Variants in PPP3CC observed in about 807,000 individuals in gnomAD.
PPP3CC encodes the protein protein phosphatase 3 catalytic subunit gamma.
A neutral mutation model predicts 60.3 loss-of-function variants in PPP3CC; 35 were observed. The observed-to-expected ratio is 0.58, with a 90% confidence interval of 0.44 to 0.77. The LOEUF (loss-of-function observed/expected upper bound fraction) is 0.77. PPP3CC is among the 30% of genes least tolerant of loss of function. The probability of loss-of-function intolerance (pLI) is 0.00; values close to 1 mark genes in which losing one functional copy is unlikely to be tolerated. For synonymous variants in PPP3CC, 206 were observed against 224.3 expected, an observed-to-expected ratio of 0.92 and a Z score of 0.73; for missense variants, 570 against 628.9, an observed-to-expected ratio of 0.91 and a Z score of 1.00.
At chr8:22,476,435 T>G (rs1022815646) in intron 3 of PPP3CC, among the ~76,000 whole-genome samples, 6 of 152,194 alleles carry the variant, frequency 3.9e-5, no homozygotes, top group Admixed American at 2.6e-4. Context: ...CTGCCCTCAT[T>G]GTGTGAGAAT....
chr8:22,539,124 C>G (rs1839905640), intron 12 of PPP3CC, among the ~76,000 whole-genome samples: 1 of 152,110 alleles, frequency 6.6e-6, no homozygotes, highest in Admixed American at 6.5e-5. Context: ...ATTTTACAAA[C>G]TAAGGATTGT....
At chr8:22,464,750 A>G (rs1837468663) in intron 1 of PPP3CC, among the ~76,000 whole-genome samples, 1 of 152,120 alleles carries the variant, frequency 6.6e-6, no homozygotes, top group Non-Finnish European at 1.5e-5. Flanking sequence ...ATAGACGTAG[A>G]TAGTTGTAGT....
chr8:22,477,620 G>T (rs950105553), intron 3 of PPP3CC, among the ~76,000 whole-genome samples: 1 of 152,026 alleles, frequency 6.6e-6, no homozygotes, highest in African/African-American at 2.4e-5. Flanking sequence ...TTCTAATTAG[G>T]CATTTTATTT....
At chr8:22,497,138 T>A (rs1233554521) in intron 3 of PPP3CC, among the ~76,000 whole-genome samples, 1 of 152,220 alleles carries the variant, frequency 6.6e-6, no homozygotes, top group African/African-American at 2.4e-5. Context: ...CAAGCGATTC[T>A]CATGCCTCAG....
chr8:22,532,970 A>T lies in PPP3CC; in HGVS notation c.1273A>T (p.Thr425Ser). The T allele has an allele frequency of 6.2e-7, 1 of 1,606,980 alleles. No homozygotes were observed. The highest frequency in any genetic ancestry group is 8.5e-7 in the Non-Finnish European group (1 of 1,176,348). The stretch of plus-strand genomic sequence containing the variant: ...TCTCAAGGGCCTGACTCCCACAGGC[A>T]CACTCCCTCTGGGCGTCCTCTCAGG... ...LTLKGLTPTG[T>S]LPLGVLSGGK... The change falls in exon 12 of 14, where the codon ACA becomes TCA. Residue 425 changes from threonine (T) to serine (S), a missense_variant. Thr to Ser is a moderately conservative substitution (Grantham distance 58). Transcript: ENST00000240139.
At chr8:22,488,055 AC>A (rs1416370339) in intron 3 of PPP3CC, among the ~76,000 whole-genome samples, 3 of 152,234 alleles carry the variant, frequency 2.0e-5, no homozygotes, top group Non-Finnish European at 2.9e-5. Flanking sequence ...ATGACATTAT[AC>A]TATGGGTGGA....
chr8:22,458,090 G>A (rs1434802729), intron 1 of PPP3CC, among the ~76,000 whole-genome samples: 5 of 151,264 alleles, frequency 3.3e-5, no homozygotes, highest in African/African-American at 4.9e-5. Flanking sequence ...AATCTCCGTC[G>A]CACCAAAAAA....
At chr8:22,498,246 G>A (rs1264526982) in intron 4 of PPP3CC, 134 bp downstream of exon 4, 1 of 511,356 alleles carries the variant, frequency 2.0e-6, no homozygotes, top group African/African-American at 1.9e-5. Context: ...CACCTGCAAA[G>A]AACTAAGATT....
At chr8:22,460,613 A>G (rs1162321976) in intron 1 of PPP3CC, among the ~76,000 whole-genome samples, 4 of 150,994 alleles carry the variant, frequency 2.6e-5, no homozygotes, top group Non-Finnish European at 5.9e-5. Flanking sequence ...TGAAGCCAGG[A>G]GTTTGAGACC....
chr8:22,443,361 A>C (rs1836731957), intron 1 of PPP3CC, among the ~76,000 whole-genome samples: 1 of 152,030 alleles, frequency 6.6e-6, no homozygotes, highest in South Asian at 2.1e-4. Context: ...ATCTCTACTA[A>C]ACATACAAAA....
intron 3 of PPP3CC, among the ~76,000 whole-genome samples, chr8:22,488,374 A>G (rs139772380): frequency 1.3e-5 from 2 of 152,352 alleles, no homozygotes; most frequent in African/African-American, 4.8e-5. Context: ...TATATGCTTT[A>G]ATGCAACAAT....
chr8:22,456,517 G>C (rs1009748474), intron 1 of PPP3CC, among the ~76,000 whole-genome samples: 5 of 152,038 alleles, frequency 3.3e-5, no homozygotes, highest in African/African-American at 1.2e-4. Context: ...CTCTTTGCCC[G>C]TGTCAGTATC....
intron 1 of PPP3CC, among the ~76,000 whole-genome samples, chr8:22,464,976 CTTT>C (rs59235298): frequency 4.4e-5 from 6 of 135,226 alleles, no homozygotes; most frequent in Admixed American, 1.5e-4. Context: ...TAGACTCTCC[CTTT>C]TTTTTTTTTT....
chr8:22,464,976 CT>C (rs59235298), intron 1 of PPP3CC, among the ~76,000 whole-genome samples: 1,943 of 135,176 alleles, frequency 0.014, 18 homozygotes, highest in African/African-American at 0.038. Context: ...TAGACTCTCC[CT>C]TTTTTTTTTT....
At chr8:22,446,598 T>G (rs1836828935) in intron 1 of PPP3CC, among the ~76,000 whole-genome samples, 1 of 151,930 alleles carries the variant, frequency 6.6e-6, no homozygotes, top group African/African-American at 2.4e-5. Context: ...CCGAGGTGGG[T>G]GGATCACCTG....
intron 1 of PPP3CC, among the ~76,000 whole-genome samples, chr8:22,456,744 T>G (rs1489369874): frequency 6.6e-6 from 1 of 152,210 alleles, no homozygotes; most frequent in African/African-American, 2.4e-5. Flanking sequence ...CCTGTATAGC[T>G]ACACCAGTCC....
At chr8:22,522,149 A>G (rs1839424738) in intron 6 of PPP3CC, among the ~76,000 whole-genome samples, 1 of 152,038 alleles carries the variant, frequency 6.6e-6, no homozygotes, top group African/African-American at 2.4e-5. Flanking sequence ...GCACACACAC[A>G]CACACACACA....
At chr8:22,536,947 A>G (rs549235538) in intron 12 of PPP3CC, among the ~76,000 whole-genome samples, 1 of 152,304 alleles carries the variant, frequency 6.6e-6, no homozygotes, top group East Asian at 1.9e-4. Flanking sequence ...TTGAAGCACA[A>G]AGGTAAATAA....
At chr8:22,524,751 G>A (rs983850726) in intron 8 of PPP3CC, among the ~76,000 whole-genome samples, 27 of 152,028 alleles carry the variant, frequency 1.8e-4, no homozygotes, top group Non-Finnish European at 2.9e-5. Flanking sequence ...GCTGAAACAC[G>A]CCACCTAAGT....
Sources: allele counts gnomAD v4.1 joint callset (sites outside exome capture counted in the v4.1 genomes callset), GRCh38; gene constraint gnomAD v4.1.1; transcripts MANE v1.5; gene names NCBI Gene and HGNC (gene_info 2026-07-23, HGNC 2026-07-21).